Variants in DOCK1 observed in about 807,000 individuals in gnomAD.
DOCK1 encodes dedicator of cytokinesis protein 1.
A neutral mutation model predicts 262.7 loss-of-function variants in DOCK1; 138 were observed. The ratio of observed to expected loss-of-function variants is 0.53; its 90% CI spans 0.46 to 0.61. The LOEUF (loss-of-function observed/expected upper bound fraction) is 0.61, where lower values mean the gene tolerates loss of function less well. Ranked by LOEUF, DOCK1 falls within the 20% of genes least tolerant of loss-of-function variation. DOCK1 has a pLI of 0.00. For missense variants in DOCK1, 1,908 were observed against 2,370.7 expected, an observed-to-expected ratio of 0.80 and a Z score of 4.05; for synonymous variants, 866 against 867.4, an observed-to-expected ratio of 1.00 and a Z score of 0.03.
intron 23 of DOCK1, among the ~76,000 whole-genome samples, chr10:127,090,361 TG>T (rs2047445070): frequency 1.3e-5 from 2 of 152,116 alleles, no homozygotes; most frequent in South Asian, 4.1e-4. Flanking sequence ...ATCAGTCACA[TG>T]GTCTGCTGCA....
At chr10:127,260,909 G>T (rs1378847512) in intron 29 of DOCK1, among the ~76,000 whole-genome samples, 1 of 139,798 alleles carries the variant, frequency 7.2e-6, no homozygotes, top group Non-Finnish European at 1.5e-5. Context: ...CTGTGTACCT[G>T]CACGTGTGTG....
intron 1 of DOCK1, among the ~76,000 whole-genome samples, chr10:126,954,487 A>G (rs1281979431): frequency 1.3e-5 from 2 of 152,230 alleles, no homozygotes; most frequent in African/African-American, 4.8e-5. Flanking sequence ...CAGTGGCGTT[A>G]AACACACTGA....
intron 26 of DOCK1, among the ~76,000 whole-genome samples, chr10:127,127,407 G>C (rs181707513): frequency 6.6e-6 from 1 of 152,204 alleles, no homozygotes; most frequent in East Asian, 1.9e-4. Context: ...TGTTTAAACA[G>C]ATTTTCTTTT....
intron 27 of DOCK1, among the ~76,000 whole-genome samples, chr10:127,144,212 T>G (rs1047161351): frequency 6.6e-6 from 1 of 152,110 alleles, no homozygotes; most frequent in African/African-American, 2.4e-5. Context: ...ACTGGCAAAC[T>G]CCTTCTCAAA....
intron 27 of DOCK1, among the ~76,000 whole-genome samples, chr10:127,174,454 C>T (rs1203401430): frequency 6.6e-6 from 1 of 152,200 alleles, no homozygotes; most frequent in African/African-American, 2.4e-5. Context: ...ACCTTTAGGT[C>T]ATTTGTTTTT....
chr10:127,121,371 A>G (rs1020222434), intron 25 of DOCK1, among the ~76,000 whole-genome samples: 21 of 152,008 alleles, frequency 1.4e-4, no homozygotes, highest in Non-Finnish European at 2.8e-4. Flanking sequence ...TGTGTTGTCC[A>G]TAGGAAGATA....
At chr10:127,328,339 G>A (rs1350555609) in intron 29 of DOCK1, among the ~76,000 whole-genome samples, 2 of 152,132 alleles carry the variant, frequency 1.3e-5, no homozygotes, top group African/African-American at 4.8e-5. Context: ...AAGCATTTCT[G>A]CCTTGAACCG....
chr10:127,415,121 C>A, intron 43 of DOCK1, 31 bp from the exon 44 acceptor site: 1 of 1,598,352 alleles, frequency 6.3e-7, no homozygotes, highest in Non-Finnish European at 8.6e-7. Flanking sequence ...ATCCTTCTAA[C>A]CCGTGTTGTG....
intron 16 of DOCK1, among the ~76,000 whole-genome samples, chr10:127,027,997 G>A (rs2042987937): frequency 6.6e-6 from 1 of 151,400 alleles, no homozygotes; most frequent in Non-Finnish European, 1.5e-5. Flanking sequence ...GCCCGGCCTG[G>A]GATGTGGCTG....
rs1204873693 is a variant in DOCK1, at chr10:126,980,945, GT to G, written c.172-956del. Among the ~76,000 whole-genome samples the G allele has an allele frequency of 9.3e-3, 1,296 of 139,010 alleles. 17 individuals are homozygous for G. Among genetic ancestry groups the G allele is most frequent in the African/African-American group, 0.031 (1,162 of 37,920 alleles). 91.2% of individuals were successfully genotyped at this position (139,010 alleles called of 152,430 possible). ...GCTTGCTCAGAAAGCAGGACCCTAC[GT>G]TTTTTTTTTTTTTTTTCCTGAGGCG... On this transcript the variant is annotated intron_variant, in intron 3 of 51. Coordinates refer to ENST00000623213, the MANE Select transcript of DOCK1 (RefSeq NM_001290223.2).
At chr10:126,990,399 T>C (rs1195184145) in intron 5 of DOCK1, 56 bp from the exon 6 acceptor site, 1 of 1,524,068 alleles carries the variant, frequency 6.6e-7, no homozygotes, top group African/African-American at 1.4e-5. Flanking sequence ...TTCTCTACCA[T>C]CTCCACAATG....
intron 27 of DOCK1, among the ~76,000 whole-genome samples, chr10:127,166,018 G>C (rs2054038741): frequency 6.6e-6 from 1 of 152,076 alleles, no homozygotes; most frequent in Non-Finnish European, 1.5e-5. Flanking sequence ...ATCCAGACTT[G>C]CATTAGCAAA....
At position 127,437,841 on chromosome 10, in the gene DOCK1, G is replaced by A. The variant is rs1157827632; in HGVS notation, c.5061-1186G>A. On this transcript the variant is annotated intron_variant, in intron 48 of 51. Transcript: ENST00000623213. This position sits in a 1 kb window ranked among gnomAD's most constrained non-coding sequence, Gnocchi z 4.4. The stretch of plus-strand genomic sequence containing the variant: ...CCAAGTGTCCCATTCAGAAATACAT[G>A]TAAAAGAAACTAGAGCTAGGATGAA... Among the ~76,000 whole-genome samples, 1 of 152,164 alleles carries A rather than the reference G, an allele frequency of 6.6e-6. No individual in the cohort carries two copies. The highest frequency in any genetic ancestry group is 1.5e-5 in the Non-Finnish European group (1 of 68,028).
chr10:127,429,828 T>C (rs952811367), intron 47 of DOCK1, among the ~76,000 whole-genome samples: 2 of 149,492 alleles, frequency 1.3e-5, no homozygotes, highest in Non-Finnish European at 3.0e-5. Context: ...AGCGCCACGT[T>C]CGGCATTGGC....
intron 23 of DOCK1, among the ~76,000 whole-genome samples, chr10:127,085,983 T>G (rs1321329607): frequency 1.3e-5 from 2 of 152,192 alleles, no homozygotes; most frequent in South Asian, 4.1e-4. Flanking sequence ...AAGCCTTTGG[T>G]GATTTTATTC....
intron 29 of DOCK1, among the ~76,000 whole-genome samples, chr10:127,318,420 G>A (rs1005132792): frequency 1.3e-5 from 2 of 152,230 alleles, no homozygotes; most frequent in African/African-American, 4.8e-5. Context: ...GAGTAGGGCT[G>A]GGATGGCTGG....
At chr10:127,080,399 C>CCTGT (rs1490386561) in intron 23 of DOCK1, among the ~76,000 whole-genome samples, 2 of 152,132 alleles carry the variant, frequency 1.3e-5, no homozygotes, top group African/African-American at 2.4e-5. Context: ...TTTTCACTGA[C>CCTGT]CTGTCCCCTC....
Position 127,175,597 on chromosome 10 carries a change from C to T in DOCK1, c.2847+47833C>T, listed in dbSNP as rs1301878478. 30 of 1,612,478 alleles carry T rather than the reference C, an allele frequency of 1.9e-5. No homozygotes were observed. The highest frequency in any genetic ancestry group is 4.4e-5 in the South Asian group (4 of 91,074). On this transcript the variant is annotated intron_variant, in intron 27 of 51. Transcript: ENST00000623213. The surrounding 1 kb of genome is among the most constrained non-coding windows in gnomAD (Gnocchi z 6.3). ...GCTGCAGAGTCTGACAAACCAGGCTCGGGGGCCCTGGCACTGAGGGCAGGT... is the reference window on the plus strand; with the variant it reads ...GCTGCAGAGTCTGACAAACCAGGCTTGGGGGCCCTGGCACTGAGGGCAGGT...
intron 29 of DOCK1, among the ~76,000 whole-genome samples, chr10:127,263,268 T>C (rs965328405): frequency 6.6e-6 from 1 of 152,242 alleles, no homozygotes; most frequent in African/African-American, 2.4e-5. Context: ...CTCCCTAGCA[T>C]TGTCATAAAG....
Sources: allele counts gnomAD v4.1 joint callset (sites outside exome capture counted in the v4.1 genomes callset), GRCh38; gene constraint gnomAD v4.1.1; non-coding constraint Gnocchi (gnomAD v3.1); transcripts MANE v1.5; gene names NCBI Gene and HGNC (gene_info 2026-07-23, HGNC 2026-07-21).